Variants in PTK2 observed in about 807,000 individuals in gnomAD.
PTK2 encodes focal adhesion kinase 1.
In PTK2, 45 loss-of-function variants were observed where a neutral mutation model predicts 150.1. The ratio of observed to expected loss-of-function variants is 0.30; its 90% CI spans 0.24 to 0.38. The LOEUF is 0.38. PTK2 is among the 10% of genes least tolerant of loss of function. The pLI, the probability that PTK2 is intolerant of heterozygous loss-of-function variation, is 1.00. For synonymous variants in PTK2, 432 were observed against 449.2 expected (o/e 0.96, Z 0.48); for missense variants, 919 against 1,307.3 (o/e 0.70, Z 4.58).
At chr8:140,753,169 G>C (rs574430258) in intron 16 of PTK2, among the ~76,000 whole-genome samples, 21 of 152,296 alleles carry the variant, frequency 1.4e-4, no homozygotes, top group African/African-American at 4.8e-4. Context: ...CAGTACCCCA[G>C]GTGACAGGTG....
At chr8:140,852,926 A>G (rs775145791) in intron 5 of PTK2, among the ~76,000 whole-genome samples, 40 of 152,230 alleles carry the variant, frequency 2.6e-4, no homozygotes, top group Non-Finnish European at 5.0e-4. Context: ...GTTCTGTCTG[A>G]TAAGAGTGCT....
intron 26 of PTK2, among the ~76,000 whole-genome samples, chr8:140,688,222 C>G (rs146164525): frequency 6.6e-6 from 1 of 152,102 alleles, no homozygotes; most frequent in African/African-American, 2.4e-5. Context: ...TCTGTTCATT[C>G]AACAGAATTA....
chr8:140,796,115 G>A (rs190258570), intron 12 of PTK2, among the ~76,000 whole-genome samples: 2 of 152,262 alleles, frequency 1.3e-5, no homozygotes, highest in East Asian at 1.9e-4. Flanking sequence ...TCTGGCACTC[G>A]GGAGACTGTC....
intron 8 of PTK2, among the ~76,000 whole-genome samples, chr8:140,822,626 G>A (rs922205179): frequency 1.3e-5 from 2 of 152,146 alleles, no homozygotes; most frequent in East Asian, 1.9e-4. Flanking sequence ...TGCTCTGCTT[G>A]ATAGAAGAAA....
At chr8:140,892,468 G>C (rs1277896541) in intron 2 of PTK2, 3 of 258,412 alleles carry the variant, frequency 1.2e-5, no homozygotes, top group Non-Finnish European at 2.3e-5. Flanking sequence ...CCCAAGAGGG[G>C]AAGGCTACAG....
chr8:140,879,259 G>T, intron 4 of PTK2: 2 of 441,506 alleles, frequency 4.5e-6, no homozygotes, highest in Non-Finnish European at 7.6e-6. Context: ...ACGGAAATCA[G>T]ATGGCTCAAA....
intron 22 of PTK2, chr8:140,718,249 C>G (rs886431779): frequency 1.3e-5 from 2 of 153,370 alleles, no homozygotes; most frequent in African/African-American, 4.8e-5. Context: ...ACAGTATTTA[C>G]AAGTGCTTCT....
intron 26 of PTK2, among the ~76,000 whole-genome samples, chr8:140,691,937 T>C (rs1490572633): frequency 1.3e-5 from 2 of 152,208 alleles, no homozygotes; most frequent in East Asian, 3.9e-4. Context: ...GGAGGTGGGC[T>C]TCAATCAGTC....
At chr8:140,814,815 C>T (rs1304772804) in intron 10 of PTK2, among the ~76,000 whole-genome samples, 2 of 150,316 alleles carry the variant, frequency 1.3e-5, no homozygotes, top group Middle Eastern at 3.4e-3. Context: ...CGCTCTGTTG[C>T]CCAGGCTGGA....
intron 7 of PTK2, among the ~76,000 whole-genome samples, chr8:140,833,670 G>A (rs75160156): frequency 0.017 from 2,543 of 152,246 alleles, 72 homozygotes; most frequent in African/African-American, 0.057. Flanking sequence ...TGTCCTGTAT[G>A]CGAATAAAAC....
chr8:140,732,479 T>C (rs2100050037), intron 22 of PTK2: 1 of 491,406 alleles, frequency 2.0e-6, no homozygotes, highest in Non-Finnish European at 4.1e-6. Context: ...ATCACTCATA[T>C]GTTCTAAGCC....
At chr8:140,855,273 C>T (rs906333829) in intron 5 of PTK2, among the ~76,000 whole-genome samples, 1 of 152,010 alleles carries the variant, frequency 6.6e-6, no homozygotes, top group African/African-American at 2.4e-5. Flanking sequence ...CACAACAATC[C>T]CCTCTGCCCA....
At chr8:140,848,391 CCTTT>C (rs1162535056) in intron 5 of PTK2, among the ~76,000 whole-genome samples, 7 of 152,308 alleles carry the variant, frequency 4.6e-5, no homozygotes, top group South Asian at 4.1e-4. Flanking sequence ...CGTCTCAAAA[CCTTT>C]CTTTATTTTC....
intron 1 of PTK2, among the ~76,000 whole-genome samples, chr8:140,996,372 G>C (rs1210748825): frequency 6.6e-6 from 1 of 152,220 alleles, no homozygotes; most frequent in African/African-American, 2.4e-5. Context: ...GCTGCAGCAA[G>C]TTATCGAGAA....
chr8:140,987,734 T>C (rs183635316), intron 1 of PTK2, among the ~76,000 whole-genome samples: 10 of 152,266 alleles, frequency 6.6e-5, no homozygotes, highest in Admixed American at 1.3e-4. Flanking sequence ...ATCTAGAAGA[T>C]AGTTTGGCAC....
chr8:140,983,615 A>T (rs1459730654), intron 1 of PTK2, among the ~76,000 whole-genome samples: 1 of 151,662 alleles, frequency 6.6e-6, no homozygotes, highest in Non-Finnish European at 1.5e-5. Flanking sequence ...GTATTCCTCC[A>T]GTACAAGAAG....
At chr8:140,847,734 A>G (rs1014266315) in intron 5 of PTK2, among the ~76,000 whole-genome samples, 1 of 152,194 alleles carries the variant, frequency 6.6e-6, no homozygotes, top group African/African-American at 2.4e-5. Context: ...CTGAAAGTCT[A>G]AACTATTTAC....
At chr8:140,956,694 A>G (rs2100181326) in intron 1 of PTK2, among the ~76,000 whole-genome samples, 1 of 152,180 alleles carries the variant, frequency 6.6e-6, no homozygotes, top group African/African-American at 2.4e-5. Flanking sequence ...GAAGATATTG[A>G]TATTGATGAT....
At chr8:140,722,977 G>A (rs2100043827) in intron 22 of PTK2, among the ~76,000 whole-genome samples, 1 of 152,132 alleles carries the variant, frequency 6.6e-6, no homozygotes. Context: ...TTGTGAAATG[G>A]GCCACTCTGA....
Sources: gnomAD v4.1 joint callset for allele counts (sites outside exome capture counted in the v4.1 genomes callset) on GRCh38, gnomAD v4.1.1 for gene constraint, MANE v1.5 for transcripts, NCBI Gene and HGNC (gene_info 2026-07-23, HGNC 2026-07-21) for gene names.